Variants in IMMP2L observed in about 807,000 individuals in gnomAD.
IMMP2L encodes the protein mitochondrial inner membrane protease subunit 2.
IMMP2L carries 18 observed loss-of-function variants against 19.3 expected under a neutral mutation model. The ratio of observed to expected loss-of-function variants is 0.93; its 90% confidence interval spans 0.64 to 1.38. The LOEUF (loss-of-function observed/expected upper bound fraction) is 1.38, where lower values mean the gene tolerates loss of function less well. IMMP2L is among the 40% of genes most tolerant of loss of function. The probability of loss-of-function intolerance (pLI) is 0.00; values close to 1 mark genes in which losing one functional copy is unlikely to be tolerated. For synonymous variants in IMMP2L, 76 were observed against 73.0 expected (o/e 1.04, Z -0.21); for missense variants, 233 against 218.2 (o/e 1.07, Z -0.43).
chr7:111,505,856 A>AT (rs1415464772), intron 2 of IMMP2L, among the ~76,000 whole-genome samples: 1 of 152,084 alleles, frequency 6.6e-6, no homozygotes, highest in African/African-American at 2.4e-5. Flanking sequence ...GCATTAGGAG[A>AT]TATATGTAAT....
intron 3 of IMMP2L, among the ~76,000 whole-genome samples, chr7:111,147,688 A>G (rs1803627773): frequency 6.6e-6 from 1 of 152,062 alleles, no homozygotes; most frequent in Non-Finnish European, 1.5e-5. Flanking sequence ...CTCCATAGAC[A>G]GACTGTTTTA....
At chr7:111,260,042 C>A (rs957219169) in intron 3 of IMMP2L, among the ~76,000 whole-genome samples, 1 of 152,036 alleles carries the variant, frequency 6.6e-6, no homozygotes, top group African/African-American at 2.4e-5. Flanking sequence ...TACTGAAGGA[C>A]CTGCCTAAGG....
intron 4 of IMMP2L, among the ~76,000 whole-genome samples, chr7:110,955,266 T>G (rs2129554632): frequency 6.6e-6 from 1 of 151,982 alleles, no homozygotes; most frequent in Non-Finnish European, 1.5e-5. Context: ...AAGAAAGAAA[T>G]ATTTCCATAA....
At chr7:111,440,886 C>T (rs902351754) in intron 3 of IMMP2L, among the ~76,000 whole-genome samples, 1 of 151,910 alleles carries the variant, frequency 6.6e-6, no homozygotes, top group Admixed American at 6.6e-5. Context: ...CTTGCTGCAG[C>T]TTCTACATCA....
At chr7:111,143,016 G>C (rs1803100981) in intron 3 of IMMP2L, among the ~76,000 whole-genome samples, 1 of 152,078 alleles carries the variant, frequency 6.6e-6, no homozygotes, top group Non-Finnish European at 1.5e-5. Flanking sequence ...TTGCCAAGCA[G>C]CATATTTCCT....
chr7:111,263,320 A>C (rs1164391380), intron 3 of IMMP2L, among the ~76,000 whole-genome samples: 1 of 152,150 alleles, frequency 6.6e-6, no homozygotes, highest in Non-Finnish European at 1.5e-5. Flanking sequence ...TGAAGAAAGA[A>C]CCAAAAGGAT....
intron 3 of IMMP2L, among the ~76,000 whole-genome samples, chr7:111,100,469 C>T (rs119062): frequency 0.8 from 117,857 of 147,742 alleles, 47,419 homozygotes; most frequent in East Asian, 0.87. Context: ...ATAACATATA[C>T]AGATTTAAAA....
chr7:110,859,969 A>G (rs2129542622), intron 5 of IMMP2L, among the ~76,000 whole-genome samples: 1 of 152,174 alleles, frequency 6.6e-6, no homozygotes, highest in South Asian at 2.1e-4. Flanking sequence ...ACTTAAACTG[A>G]TGTTATATTT....
At chr7:110,785,432 T>C (rs925202923) in intron 5 of IMMP2L, among the ~76,000 whole-genome samples, 29 of 152,054 alleles carry the variant, frequency 1.9e-4, no homozygotes, top group African/African-American at 7.0e-4. Flanking sequence ...CCCTCTAGGA[T>C]GGTAGAGTCC....
intron 3 of IMMP2L, among the ~76,000 whole-genome samples, chr7:111,031,714 T>A (rs1406787983): frequency 6.6e-6 from 1 of 152,116 alleles, no homozygotes; most frequent in Non-Finnish European, 1.5e-5. Context: ...TGTGGGCTGC[T>A]CATAGTGACT....
rs768200495 is a variant in IMMP2L, at chr7:110,796,258, GAACT to G, written c.408+90331_408+90334del. Among the ~76,000 whole-genome samples, 30 of 152,038 alleles carry G rather than the reference GAACT, an allele frequency of 2.0e-4. No homozygotes were observed. In the East Asian group the frequency reaches 2.7e-3, roughly 14 times the overall value. ...ATGTCTTTATTAGCAGCATGAGAAA[GAACT>G]AATACAGATGGACTTAGAACTCATC... On this transcript the variant is annotated intron_variant, in intron 5 of 5. Coordinates refer to ENST00000405709, the MANE Select transcript of IMMP2L (RefSeq NM_032549.4).
chr7:111,362,512 C>A (rs942754626), intron 3 of IMMP2L, among the ~76,000 whole-genome samples: 7 of 151,680 alleles, frequency 4.6e-5, no homozygotes, highest in Non-Finnish European at 1.0e-4. Context: ...TATGAAAGAA[C>A]TGAAACTGTT....
At chr7:110,668,897 G>A (rs1191816328) in intron 5 of IMMP2L, among the ~76,000 whole-genome samples, 1 of 151,884 alleles carries the variant, frequency 6.6e-6, no homozygotes, top group African/African-American at 2.4e-5. Flanking sequence ...AAAGAGTATA[G>A]TGAATATAGA....
At chr7:111,104,195 C>A (rs1798288109) in intron 3 of IMMP2L, among the ~76,000 whole-genome samples, 1 of 151,598 alleles carries the variant, frequency 6.6e-6, no homozygotes, top group African/African-American at 2.4e-5. Context: ...TTACTATTCG[C>A]ATCTTGAGCC....
At chr7:111,467,824 A>AAT in intron 3 of IMMP2L, among the ~76,000 whole-genome samples, 1 of 152,124 alleles carries the variant, frequency 6.6e-6, no homozygotes, top group Non-Finnish European at 1.5e-5. Context: ...GCACTTCTTA[A>AAT]AGGTCTCCAA....
intron 4 of IMMP2L, among the ~76,000 whole-genome samples, chr7:110,948,892 G>C (rs1473483932): frequency 6.6e-6 from 1 of 152,134 alleles, no homozygotes; most frequent in Non-Finnish European, 1.5e-5. Context: ...TAACACAAAT[G>C]CAATTTCCTC....
At chr7:111,481,501 T>C (rs562412495) in intron 3 of IMMP2L, among the ~76,000 whole-genome samples, 8 of 152,278 alleles carry the variant, frequency 5.3e-5, no homozygotes, top group African/African-American at 1.4e-4. Flanking sequence ...ACTTTACTGG[T>C]TTTTCTTAAT....
At chr7:111,542,865 T>C (rs1733705667) in intron 1 of IMMP2L, among the ~76,000 whole-genome samples, 1 of 152,174 alleles carries the variant, frequency 6.6e-6, no homozygotes, top group African/African-American at 2.4e-5. Context: ...TATCTTGCTG[T>C]CATTTCAGCA....
chr7:111,181,797 A>C (rs1422504675), intron 3 of IMMP2L, among the ~76,000 whole-genome samples: 1 of 151,954 alleles, frequency 6.6e-6, no homozygotes, highest in Non-Finnish European at 1.5e-5. Context: ...CACAATAATA[A>C]AGTATACTAA....
Sources: gnomAD v4.1 joint callset for allele counts (sites outside exome capture counted in the v4.1 genomes callset) on GRCh38, gnomAD v4.1.1 for gene constraint, MANE v1.5 for transcripts, NCBI Gene and HGNC (gene_info 2026-07-23, HGNC 2026-07-21) for gene names.